Variants in THRB observed in about 807,000 individuals in gnomAD.
The protein encoded by THRB is nuclear receptor subfamily 1 group A member 2.
Under a neutral mutation model 47.8 loss-of-function variants are expected in THRB, and 12 were observed. The ratio of observed to expected loss-of-function variants is 0.25; its 90% CI spans 0.16 to 0.41. THRB has a LOEUF of 0.41. Ranked by LOEUF, THRB falls within the 10% of genes least tolerant of loss-of-function variation. The pLI is 1.00. For missense variants in THRB, 348 were observed against 589.2 expected, an observed-to-expected ratio of 0.59 and a Z score of 4.24; for synonymous variants, 218 against 212.2, an observed-to-expected ratio of 1.03 and a Z score of -0.24.
intron 3 of THRB, among the ~76,000 whole-genome samples, chr3:24,254,181 G>T (rs564196099): frequency 9.0e-6 from 1 of 111,264 alleles, no homozygotes; most frequent in Non-Finnish European, 1.7e-5. Flanking sequence ...GGCTAACACA[G>T]TGAAACCCTG....
intron 4 of THRB, among the ~76,000 whole-genome samples, chr3:24,222,852 A>G (rs1347280737): frequency 6.6e-6 from 1 of 152,212 alleles, no homozygotes; most frequent in Non-Finnish European, 1.5e-5. Flanking sequence ...TATTCATGGC[A>G]GCATTCGTAA....
In THRB at chr3:24,479,101, A is replaced by G. The variant is rs578034902; in HGVS notation, c.-261+15551T>C. Among the ~76,000 whole-genome samples, 3 of 152,276 alleles carry G rather than the reference A, an allele frequency of 2.0e-5. No homozygotes were observed. The South Asian group carries it at 6.2e-4, about 32-fold the overall frequency. The stretch of plus-strand genomic sequence containing the variant: ...ATCACGAGGTCAGGAGATCGAGACC[A>G]TCCTGGCTAACACGGTGAAACCCCG... On this transcript the variant is annotated intron_variant, in intron 1 of 10. Transcript: ENST00000646209.
chr3:24,280,595 T>G (rs2054462435), intron 3 of THRB, among the ~76,000 whole-genome samples: 1 of 152,102 alleles, frequency 6.6e-6, no homozygotes, highest in Non-Finnish European at 1.5e-5. Flanking sequence ...GAGAATGACT[T>G]TGACAAGCTG....
intron 3 of THRB, among the ~76,000 whole-genome samples, chr3:24,293,600 A>T (rs1370570329): frequency 6.6e-6 from 1 of 152,226 alleles, no homozygotes; most frequent in Non-Finnish European, 1.5e-5. Context: ...ACAAAGGTAC[A>T]GTAATCTATT....
intron 3 of THRB, among the ~76,000 whole-genome samples, chr3:24,279,846 A>T (rs976448082): frequency 6.6e-6 from 1 of 152,218 alleles, no homozygotes; most frequent in African/African-American, 2.4e-5. Flanking sequence ...GGCTTCAAGT[A>T]CGAGGAGTTC....
chr3:24,402,921 A>G (rs368050187), intron 1 of THRB, among the ~76,000 whole-genome samples: 2 of 152,204 alleles, frequency 1.3e-5, no homozygotes, highest in South Asian at 4.1e-4. Context: ...CAACTTGACA[A>G]TATAGATAGA....
intron 5 of THRB, among the ~76,000 whole-genome samples, chr3:24,180,633 G>A (rs1481322176): frequency 3.3e-5 from 5 of 152,114 alleles, no homozygotes; most frequent in Non-Finnish European, 5.9e-5. Context: ...TCTGGGACCC[G>A]GGCAGTGTGG....
At chr3:24,339,379 T>C (rs1183722315) in intron 1 of THRB, among the ~76,000 whole-genome samples, 1 of 152,186 alleles carries the variant, frequency 6.6e-6, no homozygotes, top group Non-Finnish European at 1.5e-5. Context: ...GTATTATAAA[T>C]GACCCCGTTT....
intron 1 of THRB, among the ~76,000 whole-genome samples, chr3:24,422,319 T>C (rs1426524784): frequency 6.6e-6 from 1 of 151,938 alleles, no homozygotes; most frequent in Non-Finnish European, 1.5e-5. Context: ...GAAGGAATTG[T>C]GGTCATCTGG....
intron 3 of THRB, among the ~76,000 whole-genome samples, chr3:24,259,914 T>A (rs2051772094): frequency 6.6e-6 from 1 of 152,184 alleles, no homozygotes; most frequent in South Asian, 2.1e-4. Context: ...GATTCCCATA[T>A]CATACAATTT....
intron 1 of THRB, among the ~76,000 whole-genome samples, chr3:24,467,286 C>A (rs1261339005): frequency 6.6e-6 from 1 of 152,210 alleles, no homozygotes; most frequent in Non-Finnish European, 1.5e-5. Context: ...TCTGCAGTTA[C>A]TTCTTCCTCT....
At chr3:24,359,097 T>C (rs73043745) in intron 1 of THRB, among the ~76,000 whole-genome samples, 1,977 of 152,264 alleles carry the variant, frequency 0.013, 19 homozygotes, top group South Asian at 0.026. Flanking sequence ...ACCACTTTTA[T>C]CACGTCTGAT....
At chr3:24,228,837 G>T in intron 4 of THRB, 101 bp downstream of exon 4, 1 of 1,076,590 alleles carries the variant, frequency 9.3e-7, no homozygotes, top group Non-Finnish European at 1.4e-6. Flanking sequence ...TGGAAATAAC[G>T]GTTGCTAAAA....
At chr3:24,190,656 C>G (rs1034088518) in intron 4 of THRB, among the ~76,000 whole-genome samples, 1 of 152,072 alleles carries the variant, frequency 6.6e-6, no homozygotes, top group Non-Finnish European at 1.5e-5. Flanking sequence ...CACCAATTTA[C>G]GTTACTGCTT....
intron 2 of THRB, among the ~76,000 whole-genome samples, chr3:24,321,539 T>G (rs200442185): frequency 6.6e-6 from 1 of 152,016 alleles, no homozygotes; most frequent in South Asian, 2.1e-4. Context: ...ATTATGGCAG[T>G]TTGGGATGAT....
chr3:24,303,409 G>C (rs1486814970), intron 2 of THRB, among the ~76,000 whole-genome samples: 2 of 152,156 alleles, frequency 1.3e-5, no homozygotes, highest in East Asian at 3.9e-4. Flanking sequence ...TGCAGGAAGA[G>C]AATATGTTGT....
In THRB at chr3:24,120,675, CAA is replaced by C. The variant is rs2031522884; in HGVS notation, c.*2207_*2208del. On this transcript the variant is annotated 3_prime_UTR_variant, in exon 11 of 11. Coordinates refer to ENST00000646209, the MANE Select transcript of THRB (RefSeq NM_001354712.2). ...AAGAGCGGTTGGTTCCTCAAGGAGT[CAA>C]GAGAGGAAGCTGAAATATTAGCAGA... 6.6e-6 allele frequency: 1 copy of C among 152,232 alleles called. No homozygotes were observed. 9.4% of individuals were successfully genotyped at this position (152,232 alleles called of 1,614,324 possible).
At chr3:24,286,309 T>C (rs989768218) in intron 3 of THRB, among the ~76,000 whole-genome samples, 1 of 152,228 alleles carries the variant, frequency 6.6e-6, no homozygotes, top group Non-Finnish European at 1.5e-5. Flanking sequence ...CATGCTTTCA[T>C]AAAACAATAA....
At chr3:24,325,087 AT>A (rs1205486095) in intron 2 of THRB, among the ~76,000 whole-genome samples, 5 of 152,302 alleles carry the variant, frequency 3.3e-5, no homozygotes, top group African/African-American at 1.2e-4. Flanking sequence ...GTCTTTTATA[AT>A]TTTACAGACA....
Sources: gnomAD v4.1 joint callset for allele counts (sites outside exome capture counted in the v4.1 genomes callset) on GRCh38, gnomAD v4.1.1 for gene constraint, MANE v1.5 for transcripts, NCBI Gene and HGNC (gene_info 2026-07-23, HGNC 2026-07-21) for gene names.